Variants in PCBP3 observed in about 807,000 individuals in gnomAD.
PCBP3 encodes poly(rC)-binding protein 3.
In PCBP3, 25 loss-of-function variants were observed where a neutral mutation model predicts 52.7. That is an observed-to-expected ratio of 0.47 (90% CI 0.35 to 0.66). The LOEUF is 0.66. Ranked by LOEUF, PCBP3 falls within the 30% of genes least tolerant of loss-of-function variation. The pLI, the probability that PCBP3 is intolerant of heterozygous loss-of-function variation, is 0.01. For missense variants in PCBP3, 391 were observed against 490.3 expected, an observed-to-expected ratio of 0.80 and a Z score of 1.91; for synonymous variants, 162 against 183.0, an observed-to-expected ratio of 0.89 and a Z score of 0.93.
intron 4 of PCBP3, among the ~76,000 whole-genome samples, chr21:45,771,814 TTCCTC>T (rs1320587549): frequency 6.6e-6 from 1 of 152,184 alleles, no homozygotes; most frequent in African/African-American, 2.4e-5. Context: ...AAAACTGTCT[TTCCTC>T]TCAGTCAGCA....
intron 5 of PCBP3, among the ~76,000 whole-genome samples, chr21:45,874,372 C>T (rs1603461168): frequency 6.6e-6 from 1 of 152,108 alleles, no homozygotes; most frequent in Non-Finnish European, 1.5e-5. Flanking sequence ...TTCTAATTCT[C>T]GGATCTTCTT....
intron 1 of PCBP3, among the ~76,000 whole-genome samples, chr21:45,654,660 T>C (rs759443709): frequency 6.6e-6 from 1 of 152,174 alleles, no homozygotes; most frequent in African/African-American, 2.4e-5. Context: ...TTTTTTAATC[T>C]AAAAATATTT....
At chr21:45,713,623 G>C (rs1394707204) in intron 2 of PCBP3, among the ~76,000 whole-genome samples, 1 of 152,222 alleles carries the variant, frequency 6.6e-6, no homozygotes, top group Non-Finnish European at 1.5e-5. Flanking sequence ...GCTCCCTGAA[G>C]ATGTGCCTGC....
chr21:45,706,517 A>G (rs1275117293), intron 2 of PCBP3, among the ~76,000 whole-genome samples: 2 of 143,186 alleles, frequency 1.4e-5, no homozygotes, highest in Non-Finnish European at 3.1e-5. Context: ...CCCTTTCCCT[A>G]CCTATCTCTA....
intron 4 of PCBP3, among the ~76,000 whole-genome samples, chr21:45,787,945 G>T (rs909085986): frequency 1.3e-5 from 2 of 152,204 alleles, no homozygotes; most frequent in African/African-American, 4.8e-5. Context: ...TGCAAGTAAA[G>T]GGTAACTTTT....
chr21:45,674,948 T>A (rs906749598), intron 2 of PCBP3, among the ~76,000 whole-genome samples: 4 of 152,138 alleles, frequency 2.6e-5, no homozygotes, highest in African/African-American at 9.7e-5. Context: ...TGCCCCCACC[T>A]AGCACCCACC....
intron 1 of PCBP3, among the ~76,000 whole-genome samples, chr21:45,660,110 T>C (rs2080286814): frequency 6.6e-6 from 1 of 152,030 alleles, no homozygotes; most frequent in African/African-American, 2.4e-5. Flanking sequence ...TTTTGTTTCA[T>C]GCATTCTGGG....
At chr21:45,794,340 G>A (rs565207454) in intron 4 of PCBP3, among the ~76,000 whole-genome samples, 1 of 152,238 alleles carries the variant, frequency 6.6e-6, no homozygotes. Flanking sequence ...CGCTTGAGCC[G>A]AGGAGTTTGG....
rs561272598 is a variant in PCBP3, at chr21:45,805,041, C to T, written c.-125-44920C>T. 9.8e-5 allele frequency among the ~76,000 whole-genome samples: 15 copies of T among 152,300 alleles called. No individual in the cohort carries two copies. Among genetic ancestry groups the T allele is most frequent in the Non-Finnish European group, 2.1e-4 (14 of 68,012 alleles). On this transcript the variant is annotated intron_variant, in intron 4 of 17. Coordinates refer to ENST00000681687, the MANE Select transcript of PCBP3 (RefSeq NM_001384156.1). This position sits in a 1 kb window ranked among gnomAD's most constrained non-coding sequence, Gnocchi z 4.6. The stretch of plus-strand genomic sequence containing the variant: ...CCTGGATGCTGTGACCGCCTGATCC[C>T]GTGGTGATGGCACAGCCCTGCTGTG...
intron 4 of PCBP3, chr21:45,762,900 G>C (rs1253748226): frequency 1.3e-5 from 2 of 152,254 alleles, no homozygotes; most frequent in African/African-American, 4.8e-5. Context: ...GGTAAGGCCA[G>C]CAGCAACCCT....
Position 45,921,321 on chromosome 21 carries a change from C to T in PCBP3, c.717+3692C>T, listed in dbSNP as rs191631716. 5.9e-5 allele frequency among the ~76,000 whole-genome samples: 9 copies of T among 152,238 alleles called. No individual in the cohort carries two copies. In the East Asian group the frequency reaches 1.7e-3, roughly 29 times the overall value. ...TTATACCACAGTGCCGGCTTATATA[C>T]AGATACTAGAGTCATTTTTTAGGAA... On this transcript the variant is annotated intron_variant, in intron 13 of 17. Coordinates refer to ENST00000681687, the MANE Select transcript of PCBP3 (RefSeq NM_001384156.1).
intron 1 of PCBP3, among the ~76,000 whole-genome samples, chr21:45,668,087 C>T (rs1051673082): frequency 4.6e-5 from 7 of 152,088 alleles, no homozygotes; most frequent in Non-Finnish European, 8.8e-5. Context: ...TCTGATTGTG[C>T]AGAGTCTCAA....
At position 45,932,046 on chromosome 21, in the gene PCBP3, G is replaced by A. The variant is rs149014871; in HGVS notation, c.856+1201G>A. Among the ~76,000 whole-genome samples the A allele has an allele frequency of 4.7e-3, 708 of 151,180 alleles. 6 individuals are homozygous for A. The highest frequency in any genetic ancestry group is 0.016 in the African/African-American group (663 of 41,130). On this transcript the variant is annotated intron_variant, in intron 15 of 17. Coordinates refer to ENST00000681687, the MANE Select transcript of PCBP3 (RefSeq NM_001384156.1). ...CCGTCCTGAGATGAATGAACACAAC[G>A]GTCATGCTGTCCTGAGATGAATGAA...
At chr21:45,926,018 C>G (rs1736420) in intron 13 of PCBP3, among the ~76,000 whole-genome samples, 106,334 of 152,168 alleles carry the variant, frequency 0.7, 38,622 homozygotes, top group African/African-American at 0.89. Flanking sequence ...TACAAAACCT[C>G]ATCACATACC....
chr21:45,689,563 A>G (rs1281354750), intron 2 of PCBP3, among the ~76,000 whole-genome samples: 1 of 152,118 alleles, frequency 6.6e-6, no homozygotes, highest in East Asian at 1.9e-4. Context: ...ATTCAATATT[A>G]TACTGGAAGT....
At chr21:45,685,596 A>G (rs1236436941) in intron 2 of PCBP3, among the ~76,000 whole-genome samples, 1 of 152,230 alleles carries the variant, frequency 6.6e-6, no homozygotes, top group Admixed American at 6.5e-5. Flanking sequence ...ACTGATAAAG[A>G]TAAACCCTGT....
chr21:45,811,157 T>C (rs989277094), intron 4 of PCBP3, among the ~76,000 whole-genome samples: 3 of 152,248 alleles, frequency 2.0e-5, no homozygotes, highest in Admixed American at 6.5e-5. Context: ...CTATTTGTTA[T>C]TTCCTGCTGC....
chr21:45,676,980 C>A (rs1447314088), intron 2 of PCBP3, among the ~76,000 whole-genome samples: 1 of 152,026 alleles, frequency 6.6e-6, no homozygotes, highest in African/African-American at 2.4e-5. Context: ...GCTATGTTGG[C>A]CAAGCTGGTC....
chr21:45,828,226 A>G (rs1366919448), intron 4 of PCBP3: 2 of 152,226 alleles, frequency 1.3e-5, no homozygotes, highest in South Asian at 2.1e-4. Flanking sequence ...TTCAGTCACC[A>G]TCATTTGCCC....
Sources: gnomAD v4.1 joint callset for allele counts (sites outside exome capture counted in the v4.1 genomes callset) on GRCh38, gnomAD v4.1.1 for gene constraint, Gnocchi (gnomAD v3.1) non-coding constraint, MANE v1.5 for transcripts, NCBI Gene and HGNC (gene_info 2026-07-23, HGNC 2026-07-21) for gene names.